Variants in OOEP observed in about 807,000 individuals in gnomAD.
The protein encoded by OOEP is oocyte expressed protein, also known as oocyte-expressed protein homolog.
In OOEP, 16 loss-of-function variants were observed where a neutral mutation model predicts 13.7. The observed-to-expected ratio is 1.16, with a 90% CI of 0.79 to 1.77. The LOEUF is 1.77. OOEP is among the 40% of genes most tolerant of loss of function. The probability of loss-of-function intolerance (pLI) is 0.00; values close to 1 mark genes in which losing one functional copy is unlikely to be tolerated. For synonymous variants in OOEP, 89 were observed against 77.1 expected, an observed-to-expected ratio of 1.15 and a Z score of -0.81; for missense variants, 195 against 193.1, an observed-to-expected ratio of 1.01 and a Z score of -0.06.
chr6:73,381,505 G>A (rs1173385122), intron 2 of OOEP, among the ~76,000 whole-genome samples: 1 of 152,156 alleles, frequency 6.6e-6, no homozygotes, highest in Non-Finnish European at 1.5e-5. Context: ...GGGAAGGAAA[G>A]GTTGAGAAAG....
upstream of OOEP, among the ~76,000 whole-genome samples, chr6:73,373,649 G>T (rs562667076): frequency 6.6e-6 from 1 of 152,260 alleles, no homozygotes; most frequent in South Asian, 2.1e-4. Context: ...GGAGTGCAAT[G>T]GCGAATCTTG....
At chr6:73,374,666 C>T (rs1769110157), upstream of OOEP, among the ~76,000 whole-genome samples, 1 of 152,302 alleles carries the variant, frequency 6.6e-6, no homozygotes, top group South Asian at 2.1e-4. Flanking sequence ...CAGCAACCCT[C>T]CTGCCTTGGT....
chr6:73,391,933 GT>G (rs1267646798), intron 2 of OOEP, among the ~76,000 whole-genome samples: 1 of 152,226 alleles, frequency 6.6e-6, no homozygotes, highest in Admixed American at 6.5e-5. Flanking sequence ...GGAAGCCATT[GT>G]TTATGAGTCA....
chr6:73,376,374 A>G (rs1264268634), intron 2 of OOEP, among the ~76,000 whole-genome samples: 1 of 50,578 alleles, frequency 2.0e-5, no homozygotes, highest in Non-Finnish European at 3.2e-5. Flanking sequence ...TTTTTTTTTG[A>G]ATACAACATT....
chr6:73,374,661 A>G (rs1392875727), upstream of OOEP, among the ~76,000 whole-genome samples: 2 of 151,962 alleles, frequency 1.3e-5, no homozygotes, highest in African/African-American at 2.4e-5. Context: ...GGCTCCAGCA[A>G]CCCTCCTGCC....
At chr6:73,390,561 T>C (rs1769333028) in intron 2 of OOEP, among the ~76,000 whole-genome samples, 1 of 151,832 alleles carries the variant, frequency 6.6e-6, no homozygotes, top group African/African-American at 2.4e-5. Flanking sequence ...TGAGGTTTGA[T>C]CTTATTTGTT....
chr6:73,385,050 A>G (rs953389125), intron 2 of OOEP, among the ~76,000 whole-genome samples: 9 of 150,810 alleles, frequency 6.0e-5, no homozygotes, highest in Admixed American at 3.9e-4. Context: ...ACCTGTCTTA[A>G]AAAAGGCAAA....
chr6:73,377,065 G>A (rs1263071546), intron 2 of OOEP, among the ~76,000 whole-genome samples: 1 of 152,176 alleles, frequency 6.6e-6, no homozygotes, highest in African/African-American at 2.4e-5. Context: ...TTTACCATTA[G>A]ACTTCCATTT....
chr6:73,375,321 G>A (rs1769122534), intron 2 of OOEP, among the ~76,000 whole-genome samples: 1 of 152,014 alleles, frequency 6.6e-6, no homozygotes. Flanking sequence ...GGATGGCTCA[G>A]GCCTGTAATC....
At chr6:73,379,143 G>A (rs1206552626) in intron 2 of OOEP, among the ~76,000 whole-genome samples, 2 of 151,558 alleles carry the variant, frequency 1.3e-5, no homozygotes, top group African/African-American at 4.8e-5. Flanking sequence ...TCCTGCCTCA[G>A]CCTCCTGAGT....
At chr6:73,369,180 A>G (rs772839165) in intron 2 of OOEP, 26 bp downstream of exon 2, 1 of 1,596,004 alleles carries the variant, frequency 6.3e-7, no homozygotes, top group South Asian at 1.1e-5. Flanking sequence ...GGCTTCCTCC[A>G]CATGCAGGTT....
At chr6:73,393,726 G>C (rs1246486794) in intron 2 of OOEP, among the ~76,000 whole-genome samples, 3 of 152,146 alleles carry the variant, frequency 2.0e-5, no homozygotes, top group Non-Finnish European at 4.4e-5. Context: ...GCTGTGGTGG[G>C]AGTATCACTT....
chr6:73,377,167 C>T (rs1459459848), intron 2 of OOEP, among the ~76,000 whole-genome samples: 3 of 152,170 alleles, frequency 2.0e-5, no homozygotes, highest in Non-Finnish European at 4.4e-5. Flanking sequence ...AATCTTAAGC[C>T]AGCCTTGGTG....
chr6:73,394,686 T>G, intron 1 of OOEP: 1 of 654,322 alleles, frequency 1.5e-6, no homozygotes, highest in Non-Finnish European at 2.6e-6. Flanking sequence ...ACCGATTGGC[T>G]AAAACTGGGA....
chr6:73,391,463 A>T (rs1480226282), intron 2 of OOEP: 1 of 152,462 alleles, frequency 6.6e-6, no homozygotes, highest in East Asian at 1.9e-4. Context: ...TCAGATTGGC[A>T]TCCACAATAC....
chr6:73,379,781 A>C (rs1769177939), intron 2 of OOEP, among the ~76,000 whole-genome samples: 1 of 151,374 alleles, frequency 6.6e-6, no homozygotes, highest in South Asian at 2.1e-4. Context: ...GGGTTTTGCT[A>C]TGTTGCCCAA....
chr6:73,369,861 AAGC>A lies in OOEP; in HGVS notation c.-72_-70del. ...AAGACCTCTTCCAGACCCAGGCGCGAAGCTCGGGCTCTCTTTTACCATATTCGA... is the reference window on the plus strand; with the variant it reads ...AAGACCTCTTCCAGACCCAGGCGCGATCGGGCTCTCTTTTACCATATTCGA... On this transcript the variant is annotated 5_prime_UTR_variant, in exon 1 of 3. Coordinates refer to ENST00000370359, the MANE Select transcript of OOEP (RefSeq NM_001080507.3). The A allele has an allele frequency of 7.0e-6, 10 of 1,425,736 alleles. No homozygotes were observed. Among genetic ancestry groups the A allele is most frequent in the Non-Finnish European group, 8.7e-6 (9 of 1,033,146 alleles). The allele number at this position is 1,425,736 out of a possible 1,614,324, so 88.3% of individuals were successfully genotyped here. A position where few individuals can be genotyped will look rare whatever the true frequency, so the allele number is the denominator to read the frequency against.
chr6:73,386,670 TGAAAAA>T (rs1337091848), intron 2 of OOEP, among the ~76,000 whole-genome samples: 2 of 151,686 alleles, frequency 1.3e-5, no homozygotes, highest in Admixed American at 1.3e-4. Flanking sequence ...AAAATTAACT[TGAAAAA>T]GAACTGCAGC....
intron 2 of OOEP, among the ~76,000 whole-genome samples, chr6:73,383,747 C>T (rs1361690771): frequency 6.6e-6 from 1 of 152,020 alleles, no homozygotes; most frequent in Non-Finnish European, 1.5e-5. Context: ...AAAGATAAAA[C>T]TGACAAGTAT....
Sources: allele counts gnomAD v4.1 joint callset (sites outside exome capture counted in the v4.1 genomes callset), GRCh38; gene constraint gnomAD v4.1.1; transcripts MANE v1.5; gene names NCBI Gene and HGNC (gene_info 2026-07-23, HGNC 2026-07-21).